Variants in THEM4 observed in about 807,000 individuals in gnomAD.
THEM4 encodes the protein acyl-coenzyme A thioesterase THEM4.
In THEM4, 22 loss-of-function variants were observed where a neutral mutation model predicts 25.0. The observed-to-expected ratio is 0.88, with a 90% CI of 0.63 to 1.26. THEM4 has a LOEUF of 1.26. Among genes scored for constraint, THEM4 ranks in the 50% most tolerant of loss-of-function variants. The pLI is 0.00. For missense variants in THEM4, 286 were observed against 300.3 expected (o/e 0.95, Z 0.35); for synonymous variants, 113 against 105.6 (o/e 1.07, Z -0.43).
chr1:151,887,170 T>G (rs544983002), intron 4 of THEM4, among the ~76,000 whole-genome samples: 2 of 152,342 alleles, frequency 1.3e-5, no homozygotes, highest in African/African-American at 4.8e-5. Context: ...GACTCACATC[T>G]GTAATCCCAG....
chr1:151,886,886 G>A (rs1041050838), intron 4 of THEM4, among the ~76,000 whole-genome samples: 21 of 152,232 alleles, frequency 1.4e-4, no homozygotes, highest in African/African-American at 4.8e-4. Context: ...TATTCTACAT[G>A]GTACTAGAAG....
At chr1:151,879,134 A>G (rs1653754036) in intron 4 of THEM4, among the ~76,000 whole-genome samples, 2 of 152,182 alleles carry the variant, frequency 1.3e-5, no homozygotes, top group Non-Finnish European at 2.9e-5. Context: ...TGCAGATGAA[A>G]TAGAAAAAAA....
chr1:151,890,121 G>T (rs567992865), intron 2 of THEM4: 41 of 440,268 alleles, frequency 9.3e-5, no homozygotes, highest in African/African-American at 7.9e-4. Flanking sequence ...GGTCAGGCTG[G>T]TCTTGAACTC....
chr1:151,895,682 G>A (rs1381972796), intron 1 of THEM4, among the ~76,000 whole-genome samples: 1 of 142,900 alleles, frequency 7.0e-6, no homozygotes, highest in Non-Finnish European at 1.5e-5. Context: ...AGTATTACAG[G>A]AAAAAAAAAA....
In THEM4 at chr1:151,874,185, G is replaced by C. The variant is rs2101713082; in HGVS notation, c.*703C>G. ...CATGTGTTCAGATACAACAAAGCTA[G>C]CTTTCTAACTTACTAACTTACAATG... On this transcript the variant is annotated 3_prime_UTR_variant, in exon 6 of 6. Transcript: ENST00000368814. 1 of 152,340 alleles carries C rather than the reference G, an allele frequency of 6.6e-6. No individual in the cohort carries two copies. The highest frequency in any genetic ancestry group is 2.1e-4 in the South Asian group (1 of 4,828). 9.4% of individuals were successfully genotyped at this position (152,340 alleles called of 1,614,324 possible). A position where few individuals can be genotyped will look rare whatever the true frequency, so the allele number is the denominator to read the frequency against.
chr1:151,895,216 AAAGT>A (rs1654198891), intron 1 of THEM4, 22 bp from the exon 2 acceptor site: 3 of 1,574,784 alleles, frequency 1.9e-6, no homozygotes, highest in African/African-American at 1.4e-5. Flanking sequence ...AAGAAAAAGA[AAAGT>A]AAGTAATGGG....
intron 4 of THEM4, among the ~76,000 whole-genome samples, chr1:151,885,143 G>C (rs1010780765): frequency 6.0e-5 from 9 of 149,300 alleles, no homozygotes; most frequent in Non-Finnish European, 1.3e-4. Flanking sequence ...TTTTCTGATG[G>C]AGTATCGCTC....
chr1:151,895,819 G>A (rs1654210343), intron 1 of THEM4, among the ~76,000 whole-genome samples: 1 of 152,088 alleles, frequency 6.6e-6, no homozygotes, highest in African/African-American at 2.4e-5. Context: ...CTCATGGACG[G>A]TTTAGCACCA....
chr1:151,879,774 G>C (rs567997458), intron 4 of THEM4, among the ~76,000 whole-genome samples: 17 of 149,614 alleles, frequency 1.1e-4, no homozygotes, highest in African/African-American at 3.9e-4. Flanking sequence ...CTCCTGCCTC[G>C]GCCTCCCAAG....
chr1:151,877,364 T>C (rs926808469), intron 4 of THEM4, among the ~76,000 whole-genome samples: 4 of 152,148 alleles, frequency 2.6e-5, no homozygotes, highest in African/African-American at 9.7e-5. Flanking sequence ...GATGTCTCTC[T>C]GGGCTTGTTT....
chr1:151,882,233 G>A (rs779004221), intron 4 of THEM4, among the ~76,000 whole-genome samples: 35 of 152,208 alleles, frequency 2.3e-4, no homozygotes, highest in Non-Finnish European at 4.3e-4. Flanking sequence ...GAAATTAGCC[G>A]GGCATGGTGG....
chr1:151,878,579 CT>C (rs1653738707), intron 4 of THEM4, among the ~76,000 whole-genome samples: 1 of 152,170 alleles, frequency 6.6e-6, no homozygotes. Context: ...AATATATTCC[CT>C]TTTTTGCTTA....
chr1:151,875,885 A>C (rs546454582), intron 5 of THEM4, among the ~76,000 whole-genome samples: 1 of 152,114 alleles, frequency 6.6e-6, no homozygotes, highest in Admixed American at 6.6e-5. Context: ...TACTCACAAT[A>C]CTCTACCACC....
In THEM4 at chr1:151,871,854, G is replaced by A. The variant is rs1047461541; in HGVS notation, c.*3034C>T. 6.6e-6 allele frequency among the ~76,000 whole-genome samples: 1 copy of A among 152,204 alleles called. No individual in the cohort carries two copies. ...GCCTGCCAGAGAAATCTAACGATGA[G>A]AGTACAGTACCTTCATTGTCTAAAC... On this transcript the variant is annotated 3_prime_UTR_variant, in exon 6 of 6. Transcript: ENST00000368814.
rs1274983292 is a variant in THEM4, at chr1:151,889,206, AT to A, written c.446+7del. 6.2e-7 allele frequency: 1 copy of A among 1,611,546 alleles called. No homozygotes were observed. Among genetic ancestry groups the A allele is most frequent in the East Asian group, 2.2e-5 (1 of 44,872 alleles). The stretch of plus-strand genomic sequence containing the variant: ...TTTAGATCCACACTTTCAGGCTATC[AT>A]TCTTACCCAGGTGGTCCTTCCAGGT... On this transcript the variant is annotated splice_region_variant and intron_variant, in intron 3 of 5. Transcript: ENST00000368814.
At chr1:151,878,263 G>A (rs988598447) in intron 4 of THEM4, among the ~76,000 whole-genome samples, 1 of 152,150 alleles carries the variant, frequency 6.6e-6, no homozygotes, top group Non-Finnish European at 1.5e-5. Flanking sequence ...CATGTAGGTT[G>A]ACTGGCATTG....
chr1:151,897,876 G>T (rs1046875342), intron 1 of THEM4, among the ~76,000 whole-genome samples: 12 of 150,238 alleles, frequency 8.0e-5, no homozygotes, highest in African/African-American at 2.7e-4. Context: ...CTGGAGCTGA[G>T]TCAAGTTAGA....
At chr1:151,893,546 C>T (rs574012445) in intron 2 of THEM4, among the ~76,000 whole-genome samples, 10 of 152,140 alleles carry the variant, frequency 6.6e-5, no homozygotes, top group South Asian at 2.1e-4. Context: ...TGGAATGCAG[C>T]GCACAAATGG....
Position 151,871,239 on chromosome 1 carries a change from C to T in THEM4, c.*3649G>A, listed in dbSNP as rs1333490456. Among the ~76,000 whole-genome samples, 2 of 148,110 alleles carry T rather than the reference C, an allele frequency of 1.4e-5. No individual in the cohort carries two copies. Among genetic ancestry groups the T allele is most frequent in the African/African-American group, 5.0e-5 (2 of 40,024 alleles). On this transcript the variant is annotated 3_prime_UTR_variant, in exon 6 of 6. Transcript: ENST00000368814. ...ACTTGGGAGGCTGAGGCAGGAGAAT[C>T]GCTTGAACCTGGGAGGTGGAGGTTG...
Sources: gnomAD v4.1 joint callset for allele counts (sites outside exome capture counted in the v4.1 genomes callset) on GRCh38, gnomAD v4.1.1 for gene constraint, MANE v1.5 for transcripts, NCBI Gene and HGNC (gene_info 2026-07-23, HGNC 2026-07-21) for gene names.